ITGA9: variants seen among roughly 807,000 people sequenced by gnomAD.
The protein encoded by ITGA9 is integrin alpha-9.
A neutral mutation model predicts 127.8 loss-of-function variants in ITGA9; 56 were observed. The observed-to-expected ratio is 0.44, with a 90% confidence interval of 0.35 to 0.55. The LOEUF is 0.55. ITGA9 is among the 20% of genes least tolerant of loss of function. The pLI is 0.00. For synonymous variants in ITGA9, 508 were observed against 514.5 expected (o/e 0.99, Z 0.17); for missense variants, 1,196 against 1,347.1 (o/e 0.89, Z 1.76).
intron 26 of ITGA9, among the ~76,000 whole-genome samples, chr3:37,795,062 G>A (rs532358028): frequency 6.6e-6 from 1 of 152,282 alleles, no homozygotes; most frequent in African/African-American, 2.4e-5. Context: ...GGGTGGAAAT[G>A]TCATCTCACT....
intron 27 of ITGA9, 46 bp downstream of exon 27, chr3:37,803,988 T>C (rs372096856): frequency 1.1e-5 from 17 of 1,613,484 alleles, no homozygotes; most frequent in Non-Finnish European, 1.4e-5. Flanking sequence ...CACTCATAGA[T>C]GCCCAGCTCT....
chr3:37,687,938 G>A (rs1185773512), intron 18 of ITGA9, among the ~76,000 whole-genome samples: 1 of 152,206 alleles, frequency 6.6e-6, no homozygotes, highest in Non-Finnish European at 1.5e-5. Context: ...GGTTACTGCC[G>A]TAGGCACCTT....
At position 37,519,510 on chromosome 3, in the gene ITGA9, C is replaced by A. The variant is rs145845683; in HGVS notation, c.1236+156C>A. 3.0e-3 allele frequency among the ~76,000 whole-genome samples: 461 copies of A among 152,306 alleles called. 2 individuals carry two copies. The highest frequency in any genetic ancestry group is 6.5e-3 in the Admixed American group (99 of 15,294). ...TTTGTGAAAGATACAATTAATATTG[C>A]TTATTAAATACTAAAAAAAGCATTC... is the stretch of plus-strand genomic sequence containing the variant. On this transcript the variant is annotated intron_variant, in intron 11 of 27. Coordinates refer to ENST00000264741, the MANE Select transcript of ITGA9 (RefSeq NM_002207.3).
At chr3:37,767,580 C>T (rs754873875) in intron 23 of ITGA9, among the ~76,000 whole-genome samples, 1 of 152,190 alleles carries the variant, frequency 6.6e-6, no homozygotes, top group Non-Finnish European at 1.5e-5. Context: ...TTACCCGTTT[C>T]GGTTCAAAGA....
At chr3:37,457,088 A>G (rs2125545549) in intron 1 of ITGA9, among the ~76,000 whole-genome samples, 1 of 152,330 alleles carries the variant, frequency 6.6e-6, no homozygotes, top group South Asian at 2.1e-4. Context: ...AAAAAGAAAA[A>G]GAAAAAAAAT....
chr3:37,697,343 ATT>A (rs1700896229), intron 18 of ITGA9, among the ~76,000 whole-genome samples: 2 of 126,678 alleles, frequency 1.6e-5, no homozygotes, highest in Non-Finnish European at 3.6e-5. Flanking sequence ...TATTATTATT[ATT>A]ATTATTATAC....
chr3:37,470,979 G>T, intron 1 of ITGA9, 28 bp from the exon 2 acceptor site: 1 of 1,613,698 alleles, frequency 6.2e-7, no homozygotes, highest in South Asian at 1.1e-5. Flanking sequence ...CGTAGGTTGT[G>T]ACAGAATGCC....
At chr3:37,686,884 C>T (rs13434059) in intron 18 of ITGA9, among the ~76,000 whole-genome samples, 11,043 of 152,098 alleles carry the variant, frequency 0.073, 1,208 homozygotes, top group African/African-American at 0.24. Context: ...TAAATGGCAT[C>T]ACCCAGCACC....
chr3:37,726,512 G>A (rs1221582569), intron 18 of ITGA9, among the ~76,000 whole-genome samples: 1 of 152,236 alleles, frequency 6.6e-6, no homozygotes, highest in South Asian at 2.1e-4. Context: ...GAAGGAGCCC[G>A]AAGGCCAAAG....
chr3:37,746,990 G>C (rs575547225), intron 22 of ITGA9, among the ~76,000 whole-genome samples: 1 of 152,060 alleles, frequency 6.6e-6, no homozygotes, highest in African/African-American at 2.4e-5. Flanking sequence ...AGATTCCCTG[G>C]ATTCTCTCTC....
At chr3:37,671,693 C>G (rs908743102) in intron 17 of ITGA9, among the ~76,000 whole-genome samples, 3 of 152,108 alleles carry the variant, frequency 2.0e-5, no homozygotes, top group African/African-American at 7.2e-5. Flanking sequence ...AATGATTTCC[C>G]TGACCCACTG....
At chr3:37,526,465 T>C (rs1699094369) in intron 13 of ITGA9, among the ~76,000 whole-genome samples, 1 of 152,230 alleles carries the variant, frequency 6.6e-6, no homozygotes, top group Non-Finnish European at 1.5e-5. Context: ...CTGTTCATTC[T>C]GTCTCTTCAT....
intron 1 of ITGA9, among the ~76,000 whole-genome samples, chr3:37,470,393 T>G (rs748512480): frequency 6.6e-6 from 1 of 152,150 alleles, no homozygotes; most frequent in Non-Finnish European, 1.5e-5. Context: ...TTTTCAGTCT[T>G]TTTGGTTTGA....
Position 37,629,364 on chromosome 3 carries a change from A to C in ITGA9, c.1839+28A>C, listed in dbSNP as rs1700208273. On this transcript the variant is annotated intron_variant, in intron 16 of 27. Coordinates refer to ENST00000264741, the MANE Select transcript of ITGA9 (RefSeq NM_002207.3). The surrounding 1 kb of genome is among the most constrained non-coding windows in gnomAD (Gnocchi z 4.5). ...CAGAACCTTAAAGCTCATACTCAGC[A>C]CCCAAGGTGGCAGCTGCACAGAGCA... 6.2e-7 allele frequency: 1 copy of C among 1,612,924 alleles called. No homozygotes were observed. The highest frequency in any genetic ancestry group is 8.5e-7 in the Non-Finnish European group (1 of 1,179,508).
At chr3:37,777,747 G>A (rs570051899) in intron 24 of ITGA9, among the ~76,000 whole-genome samples, 2 of 152,310 alleles carry the variant, frequency 1.3e-5, no homozygotes, top group South Asian at 4.1e-4. Context: ...AACCCACCAA[G>A]CACAAAGTAA....
rs1698497952 is a variant in ITGA9 at position 37,476,631 on chromosome 3, G to A, written c.420+3171G>A. On this transcript the variant is annotated intron_variant, in intron 3 of 27. Transcript: ENST00000264741. The stretch of plus-strand genomic sequence containing the variant: ...CTTGTCCTAAGTCCCCTCTGCCCCT[G>A]CCCCACTCTGTCCTCGGCACTTCTC... Among the ~76,000 whole-genome samples the A allele has an allele frequency of 3.3e-5, 5 of 152,264 alleles. No individual in the cohort carries two copies. In the South Asian group the frequency reaches 1.0e-3, roughly 32 times the overall value.
chr3:37,512,055 T>TC (rs1698921580), intron 8 of ITGA9, among the ~76,000 whole-genome samples: 1 of 68,116 alleles, frequency 1.5e-5, no homozygotes, highest in African/African-American at 4.6e-5. Context: ...TTTCTTTCTT[T>TC]CTTTCTTTCT....
intron 1 of ITGA9, among the ~76,000 whole-genome samples, chr3:37,454,849 C>T (rs560917635): frequency 2.0e-5 from 3 of 151,840 alleles, no homozygotes; most frequent in African/African-American, 7.2e-5. Context: ...GTATTTTTTG[C>T]TGTATGTATG....
Position 37,779,974 on chromosome 3 carries a change from C to T in ITGA9, c.2740C>T (p.Arg914Cys). Reference sequence around the variant, plus strand: ...TAGTGCTCTTGCTAAAGAAGAAAGTCGTACTATAGACATTTACATGCTGCT... The same window carrying T: ...TAGTGCTCTTGCTAAAGAAGAAAGTTGTACTATAGACATTTACATGCTGCT... ...NFSALAKEES[R>C]TIDIYMLLNT... The change falls in exon 25 of 28, where the codon CGT becomes TGT. Residue 914 changes from arginine (R) to cysteine (C), a missense_variant. Transcript: ENST00000264741. The T allele has an allele frequency of 6.8e-6, 11 of 1,613,780 alleles. 1 individual carries two copies. Among genetic ancestry groups the T allele is most frequent in the South Asian group, 1.1e-5 (1 of 91,040 alleles).
Sources: allele counts gnomAD v4.1 joint callset (sites outside exome capture counted in the v4.1 genomes callset), GRCh38; gene constraint gnomAD v4.1.1; non-coding constraint Gnocchi (gnomAD v3.1); transcripts MANE v1.5; gene names NCBI Gene and HGNC (gene_info 2026-07-23, HGNC 2026-07-21).